The following WASL variants were observed in gnomAD, a reference collection of about 807,000 sequenced individuals.
WASL encodes WASP like actin nucleation promoting factor.
WASL carries 20 observed loss-of-function variants against 55.5 expected under a neutral mutation model. The observed-to-expected ratio is 0.36, with a 90% CI of 0.25 to 0.52. The LOEUF is 0.52. Among genes scored for constraint, WASL ranks in the 20% least tolerant of loss-of-function variants. The probability of loss-of-function intolerance (pLI) is 0.92; values close to 1 mark genes in which losing one functional copy is unlikely to be tolerated. For synonymous variants in WASL, 249 were observed against 217.6 expected (o/e 1.14, Z -1.27); for missense variants, 504 against 622.5 (o/e 0.81, Z 2.03).
At chr7:123,700,045 G>A (rs753418179) in intron 5 of WASL, among the ~76,000 whole-genome samples, 11 of 151,326 alleles carry the variant, frequency 7.3e-5, no homozygotes, top group Non-Finnish European at 1.0e-4. Context: ...GCATGGTGGC[G>A]CGCGCCTGTA....
At chr7:123,689,377 CA>C (rs1232990848) in intron 9 of WASL, among the ~76,000 whole-genome samples, 1 of 152,190 alleles carries the variant, frequency 6.6e-6, no homozygotes, top group Admixed American at 6.5e-5. Flanking sequence ...GCCAAAAATA[CA>C]TTTCCAAATC....
Position 123,748,937 on chromosome 7 carries a change from A to T in WASL, c.-203T>A. On this transcript the variant is annotated 5_prime_UTR_variant, in exon 1 of 11. Transcript: ENST00000223023. ...ACCTTCGCGCCGCGCTGAGAAAGGG[A>T]AGCTCCCGGCACCCGCCCGGCCAGG... 1 of 557,854 alleles carries T rather than the reference A, an allele frequency of 1.8e-6. No homozygotes were observed. Among genetic ancestry groups the T allele is most frequent in the Non-Finnish European group, 3.1e-6 (1 of 318,050 alleles). The allele number at this position is 557,854 out of a possible 1,614,324, so 34.6% of individuals were successfully genotyped here.
At chr7:123,690,208 G>A (rs998623520) in intron 9 of WASL, among the ~76,000 whole-genome samples, 3 of 152,154 alleles carry the variant, frequency 2.0e-5, no homozygotes, top group Admixed American at 6.5e-5. Flanking sequence ...AAAGCAGAGA[G>A]CACAAAGCAG....
chr7:123,727,968 T>G lies in WASL; in HGVS notation c.118-18745A>C, dbSNP rs115767782. Among the ~76,000 whole-genome samples the G allele has an allele frequency of 2.3e-3, 348 of 150,996 alleles. 2 individuals are homozygous for G. The highest frequency in any genetic ancestry group is 8.1e-3 in the African/African-American group (328 of 40,260). Reference sequence around the variant, plus strand: ...GAAAGCTCTTATAAACAATAAACATTAATGTAACCTTACTTGCTTTATTTG... The same window carrying G: ...GAAAGCTCTTATAAACAATAAACATGAATGTAACCTTACTTGCTTTATTTG... On this transcript the variant is annotated intron_variant, in intron 1 of 10. Transcript: ENST00000223023.
At chr7:123,685,762 C>CTA (rs1013862781) in intron 10 of WASL, among the ~76,000 whole-genome samples, 7 of 150,620 alleles carry the variant, frequency 4.6e-5, no homozygotes, top group Non-Finnish European at 7.4e-5. Flanking sequence ...AAGCATACTT[C>CTA]TATATTATAC....
At chr7:123,707,492 T>C (rs1254120095) in intron 2 of WASL, among the ~76,000 whole-genome samples, 1 of 152,088 alleles carries the variant, frequency 6.6e-6, no homozygotes, top group Admixed American at 6.6e-5. Flanking sequence ...GTATAAAAAA[T>C]ATGTTTAATC....
chr7:123,744,545 T>A (rs372292573), intron 1 of WASL, among the ~76,000 whole-genome samples: 123 of 152,244 alleles, frequency 8.1e-4, no homozygotes, highest in African/African-American at 2.9e-3. Flanking sequence ...AGATTAAGGT[T>A]GATTAATAAA....
At chr7:123,748,119 G>A (rs1053290592) in intron 1 of WASL, among the ~76,000 whole-genome samples, 6 of 152,088 alleles carry the variant, frequency 3.9e-5, no homozygotes, top group African/African-American at 1.4e-4. Flanking sequence ...CCAGGCTCTT[G>A]CACTCGACTT....
At chr7:123,696,397 A>G (rs1803493176) in intron 6 of WASL, among the ~76,000 whole-genome samples, 182 bp downstream of exon 6, 1 of 150,824 alleles carries the variant, frequency 6.6e-6, no homozygotes, top group African/African-American at 2.4e-5. Flanking sequence ...AAGAACATCT[A>G]TTGAGCAGCT....
intron 1 of WASL, among the ~76,000 whole-genome samples, chr7:123,714,330 CAAT>C (rs1803803653): frequency 6.6e-6 from 1 of 151,904 alleles, no homozygotes; most frequent in Non-Finnish European, 1.5e-5. Flanking sequence ...GTAATTTCTA[CAAT>C]GAGAAATAAC....
Position 123,694,881 on chromosome 7 carries a change from G to C in WASL, c.673-13C>G, listed in dbSNP as rs1191024848. On this transcript the variant is annotated splice_polypyrimidine_tract_variant and intron_variant, in intron 7 of 10. Transcript: ENST00000223023. Reference sequence around the variant, plus strand: ...CCAAATTATTCAGCTACAAAAGAAAGTAACTGCTAACTATAAAAATATATC... The same window carrying C: ...CCAAATTATTCAGCTACAAAAGAAACTAACTGCTAACTATAAAAATATATC... 6.3e-7 allele frequency: 1 copy of C among 1,595,018 alleles called. No individual in the cohort carries two copies. The highest frequency in any genetic ancestry group is 8.5e-7 in the Non-Finnish European group (1 of 1,174,414).
chr7:123,736,707 T>C (rs1409392873), intron 1 of WASL, among the ~76,000 whole-genome samples: 2 of 152,158 alleles, frequency 1.3e-5, no homozygotes, highest in East Asian at 1.9e-4. Context: ...GTAATGTATA[T>C]ATAAGAAAAG....
chr7:123,704,346 T>C (rs1020144642), intron 5 of WASL, among the ~76,000 whole-genome samples: 1 of 152,176 alleles, frequency 6.6e-6, no homozygotes, highest in Non-Finnish European at 1.5e-5. Context: ...TAAAATATAA[T>C]AAGTATTAGT....
intron 8 of WASL, among the ~76,000 whole-genome samples, 160 bp from the exon 9 acceptor site, chr7:123,693,027 C>G (rs1803438608): frequency 6.6e-6 from 1 of 152,050 alleles, no homozygotes; most frequent in Non-Finnish European, 1.5e-5. Flanking sequence ...CAGATGATAT[C>G]TCACAATTTT....
intron 1 of WASL, among the ~76,000 whole-genome samples, chr7:123,747,359 A>G (rs1341241045): frequency 6.6e-6 from 1 of 152,174 alleles, no homozygotes; most frequent in Non-Finnish European, 1.5e-5. Context: ...TAATCAGGAA[A>G]CTCAATGTTC....
intron 5 of WASL, among the ~76,000 whole-genome samples, chr7:123,700,795 C>T (rs13225110): frequency 0.43 from 65,887 of 152,030 alleles, 14,822 homozygotes; most frequent in South Asian, 0.66. Flanking sequence ...TGGATAACAC[C>T]GCTAATTTTA....
At chr7:123,729,990 T>A (rs1044531650) in intron 1 of WASL, among the ~76,000 whole-genome samples, 3 of 152,060 alleles carry the variant, frequency 2.0e-5, no homozygotes, top group Admixed American at 2.0e-4. Flanking sequence ...AAGAAAAAAG[T>A]TAAGAATTAT....
intron 1 of WASL, among the ~76,000 whole-genome samples, chr7:123,713,539 C>T (rs952019921): frequency 6.6e-6 from 1 of 152,102 alleles, no homozygotes; most frequent in Non-Finnish European, 1.5e-5. Flanking sequence ...TTTCTATGAT[C>T]ATGTTGGCCT....
At chr7:123,721,291 A>T (rs1283644440) in intron 1 of WASL, among the ~76,000 whole-genome samples, 2 of 137,712 alleles carry the variant, frequency 1.5e-5, no homozygotes, top group African/African-American at 5.5e-5. Context: ...TATACTTTAT[A>T]TAAATAAGCA....
Sources: gnomAD v4.1 joint callset for allele counts (sites outside exome capture counted in the v4.1 genomes callset) on GRCh38, gnomAD v4.1.1 for gene constraint, MANE v1.5 for transcripts, NCBI Gene and HGNC (gene_info 2026-07-23, HGNC 2026-07-21) for gene names.